Variants in SGCZ observed in about 807,000 individuals in gnomAD.
SGCZ encodes sarcoglycan zeta.
A neutral mutation model predicts 41.3 loss-of-function variants in SGCZ; 40 were observed. The observed-to-expected ratio is 0.97, with a 90% CI of 0.75 to 1.26. The LOEUF is 1.26. Ranked by LOEUF, SGCZ falls within the 50% of genes most tolerant of loss-of-function variation. The probability of loss-of-function intolerance (pLI) is 0.00; values close to 1 mark genes in which losing one functional copy is unlikely to be tolerated. For missense variants in SGCZ, 552 were observed against 369.8 expected (o/e 1.49, Z -4.04); for synonymous variants, 206 against 137.5 (o/e 1.50, Z -3.49).
At chr8:14,225,716 G>C (rs1222799297) in intron 4 of SGCZ, among the ~76,000 whole-genome samples, 2 of 152,028 alleles carry the variant, frequency 1.3e-5, no homozygotes, top group Non-Finnish European at 2.9e-5. Context: ...AACAGATATA[G>C]GTGACATAAA....
chr8:14,782,784 T>G (rs1800630758), intron 1 of SGCZ, among the ~76,000 whole-genome samples: 2 of 152,228 alleles, frequency 1.3e-5, no homozygotes, highest in Non-Finnish European at 2.9e-5. Flanking sequence ...CACTAGTGGT[T>G]ATCAATTTAA....
chr8:14,973,156 A>G (rs974027125), intron 1 of SGCZ, among the ~76,000 whole-genome samples: 3 of 152,210 alleles, frequency 2.0e-5, no homozygotes, highest in African/African-American at 7.2e-5. Flanking sequence ...CTGACCCTTC[A>G]GGGTGTAAAT....
intron 1 of SGCZ, among the ~76,000 whole-genome samples, chr8:15,015,970 G>T (rs1803017900): frequency 6.6e-6 from 1 of 151,412 alleles, no homozygotes; most frequent in Non-Finnish European, 1.5e-5. Context: ...AATACTATTT[G>T]TAAAAATTAT....
intron 2 of SGCZ, among the ~76,000 whole-genome samples, chr8:14,477,175 T>C (rs956312594): frequency 3.9e-5 from 6 of 152,210 alleles, no homozygotes; most frequent in Non-Finnish European, 7.4e-5. Flanking sequence ...AACATCAATA[T>C]TTAACTGTGT....
At chr8:14,189,735 C>T (rs1805029916) in intron 4 of SGCZ, among the ~76,000 whole-genome samples, 1 of 152,144 alleles carries the variant, frequency 6.6e-6, no homozygotes, top group Admixed American at 6.5e-5. Flanking sequence ...CCTCCCATCA[C>T]TTTTTTCCAC....
intron 1 of SGCZ, among the ~76,000 whole-genome samples, chr8:15,068,234 A>G (rs573826319): frequency 3.9e-4 from 60 of 152,354 alleles, no homozygotes; most frequent in African/African-American, 1.4e-3. Flanking sequence ...TTCCAACATC[A>G]TTGTGATACT....
intron 1 of SGCZ, among the ~76,000 whole-genome samples, chr8:14,624,296 T>A (rs1219672771): frequency 6.6e-6 from 1 of 152,110 alleles, no homozygotes; most frequent in Non-Finnish European, 1.5e-5. Context: ...ATGTTTATAA[T>A]GCCAAGAAAG....
chr8:14,173,935 AC>A (rs1804466152), intron 4 of SGCZ, among the ~76,000 whole-genome samples: 2 of 152,258 alleles, frequency 1.3e-5, no homozygotes, highest in Non-Finnish European at 2.9e-5. Context: ...ATGACTGCAA[AC>A]CTTTTAATAA....
intron 1 of SGCZ, among the ~76,000 whole-genome samples, chr8:14,688,138 G>T (rs1404924744): frequency 6.6e-6 from 1 of 151,968 alleles, no homozygotes; most frequent in African/African-American, 2.4e-5. Context: ...CTCCCATTTT[G>T]TAGGTTGCCT....
chr8:15,124,302 A>G (rs1807596338), intron 1 of SGCZ, among the ~76,000 whole-genome samples: 1 of 152,184 alleles, frequency 6.6e-6, no homozygotes, highest in African/African-American at 2.4e-5. Flanking sequence ...GAGAGAAAAA[A>G]AGAATGTGTT....
At chr8:14,942,071 C>G (rs933197250) in intron 1 of SGCZ, among the ~76,000 whole-genome samples, 1 of 151,886 alleles carries the variant, frequency 6.6e-6, no homozygotes, top group African/African-American at 2.4e-5. Flanking sequence ...ATTAGGAACC[C>G]CCAGCAGGAG....
intron 1 of SGCZ, among the ~76,000 whole-genome samples, chr8:15,027,260 T>G (rs1803492940): frequency 6.6e-6 from 1 of 152,152 alleles, no homozygotes; most frequent in Admixed American, 6.5e-5. Flanking sequence ...ACAAACATAT[T>G]CACTTCTATT....
chr8:15,060,129 G>A (rs1446924413), intron 1 of SGCZ, among the ~76,000 whole-genome samples: 2 of 152,036 alleles, frequency 1.3e-5, no homozygotes, highest in East Asian at 3.9e-4. Flanking sequence ...CAGGGATCTA[G>A]AACTAGAAAT....
intron 1 of SGCZ, among the ~76,000 whole-genome samples, chr8:15,098,373 G>A (rs1806468106): frequency 1.3e-5 from 2 of 152,194 alleles, no homozygotes; most frequent in South Asian, 2.1e-4. Flanking sequence ...AGAACTAAAA[G>A]AAAATCATAC....
chr8:14,722,857 T>A (rs1809932707), intron 1 of SGCZ, among the ~76,000 whole-genome samples: 1 of 152,180 alleles, frequency 6.6e-6, no homozygotes, highest in Non-Finnish European at 1.5e-5. Flanking sequence ...CACAGGGATT[T>A]ATGTGTGTAA....
intron 1 of SGCZ, among the ~76,000 whole-genome samples, chr8:14,703,208 A>G (rs1325724142): frequency 6.6e-6 from 1 of 151,966 alleles, no homozygotes; most frequent in Non-Finnish European, 1.5e-5. Flanking sequence ...TTACTTTCAT[A>G]CATGCAGTGA....
chr8:14,807,714 G>C (rs992022726), intron 1 of SGCZ, among the ~76,000 whole-genome samples: 11 of 151,700 alleles, frequency 7.3e-5, no homozygotes, highest in Non-Finnish European at 1.6e-4. Context: ...TTTCTTCACA[G>C]AATTGGAAAA....
At chr8:14,379,888 C>G (rs574177664) in intron 2 of SGCZ, among the ~76,000 whole-genome samples, 1 of 151,944 alleles carries the variant, frequency 6.6e-6, no homozygotes, top group Non-Finnish European at 1.5e-5. Flanking sequence ...TGTGCCACCA[C>G]GCCCGCCTAC....
chr8:14,220,689 A>G (rs1309640874), intron 4 of SGCZ, among the ~76,000 whole-genome samples: 1 of 152,094 alleles, frequency 6.6e-6, no homozygotes, highest in Admixed American at 6.5e-5. Context: ...CGGGAGGCTG[A>G]GGTAGGAGAA....
Sources: gnomAD v4.1 joint callset for allele counts (sites outside exome capture counted in the v4.1 genomes callset) on GRCh38, gnomAD v4.1.1 for gene constraint, MANE v1.5 for transcripts, NCBI Gene and HGNC (gene_info 2026-07-23, HGNC 2026-07-21) for gene names.